The following ASCC3 variants were observed in gnomAD, a reference collection of about 807,000 sequenced individuals.
The protein encoded by ASCC3 is activating signal cointegrator 1 complex subunit 3.
A neutral mutation model predicts 256.3 loss-of-function variants in ASCC3; 158 were observed. That is an observed-to-expected ratio of 0.62 (90% CI 0.54 to 0.70). The LOEUF (loss-of-function observed/expected upper bound fraction) is 0.70. Among genes scored for constraint, ASCC3 ranks in the 30% least tolerant of loss-of-function variants. The pLI, the probability that ASCC3 is intolerant of heterozygous loss-of-function variation, is 0.00. For synonymous variants in ASCC3, 948 were observed against 883.4 expected (o/e 1.07, Z -1.30); for missense variants, 2,259 against 2,626.0 (o/e 0.86, Z 3.05).
At chr6:100,535,495 A>T (rs1208936286) in intron 37 of ASCC3, among the ~76,000 whole-genome samples, 1 of 95,598 alleles carries the variant, frequency 1.0e-5, no homozygotes. Context: ...TTTGAGATGG[A>T]GTCTTGCTCT....
chr6:100,771,501 T>C (rs1235798930), intron 8 of ASCC3, among the ~76,000 whole-genome samples: 1 of 151,532 alleles, frequency 6.6e-6, no homozygotes, highest in Admixed American at 6.6e-5. Flanking sequence ...AGAAAAATCT[T>C]TGCAATACAT....
At chr6:100,604,193 T>G (rs1352109958) in intron 33 of ASCC3, among the ~76,000 whole-genome samples, 1 of 152,110 alleles carries the variant, frequency 6.6e-6, no homozygotes, top group Non-Finnish European at 1.5e-5. Context: ...GATACAAAAT[T>G]TAAATATTAT....
chr6:100,871,817 G>A (rs1773756273), intron 1 of ASCC3, among the ~76,000 whole-genome samples: 2 of 152,102 alleles, frequency 1.3e-5, no homozygotes, highest in South Asian at 4.1e-4. Flanking sequence ...GTCTGTAAGA[G>A]AATACAACTC....
rs139481150 is a variant in ASCC3 at position 100,732,856 on chromosome 6, G to GT, written c.1738-7154dup. Among the ~76,000 whole-genome samples the GT allele has an allele frequency of 0.013, 1,941 of 152,214 alleles. 99 individuals are homozygous for GT. The East Asian group carries it at 0.15, about 12-fold the overall frequency. ...GGTCCACATTACTAATATAGCACCA[G>GT]TAGTGTAGTGTTAGAGCCAAGTGAA... is the stretch of plus-strand genomic sequence containing the variant. On this transcript the variant is annotated intron_variant, in intron 10 of 41. Coordinates refer to ENST00000369162, the MANE Select transcript of ASCC3 (RefSeq NM_006828.4).
intron 3 of ASCC3, among the ~76,000 whole-genome samples, chr6:100,861,081 A>G (rs1773203055): frequency 6.6e-6 from 1 of 152,128 alleles, no homozygotes; most frequent in Admixed American, 6.5e-5. Context: ...AAATGGGGCA[A>G]TGGTAAATAT....
At chr6:100,753,270 A>G (rs949426479) in intron 10 of ASCC3, among the ~76,000 whole-genome samples, 1 of 150,400 alleles carries the variant, frequency 6.6e-6, no homozygotes, top group Admixed American at 6.7e-5. Flanking sequence ...GACCAAGATC[A>G]TTGGCAAGTA....
At chr6:100,655,016 C>T (rs1363529533) in intron 17 of ASCC3, among the ~76,000 whole-genome samples, 2 of 151,778 alleles carry the variant, frequency 1.3e-5, no homozygotes, top group Non-Finnish European at 2.9e-5. Flanking sequence ...AGTTAATATC[C>T]ATATGATCAT....
intron 37 of ASCC3, chr6:100,530,734 A>G: frequency 1.0e-6 from 1 of 959,896 alleles, no homozygotes; most frequent in Non-Finnish European, 1.7e-6. Context: ...GAACCAGGAC[A>G]ATTTAAGGAT....
intron 5 of ASCC3, among the ~76,000 whole-genome samples, chr6:100,805,217 A>G (rs1161679335): frequency 6.6e-6 from 1 of 152,166 alleles, no homozygotes; most frequent in African/African-American, 2.4e-5. Context: ...CTTTGCAACA[A>G]TATGAATGCA....
intron 24 of ASCC3, among the ~76,000 whole-genome samples, chr6:100,639,543 T>G (rs186868584): frequency 1.3e-5 from 2 of 152,210 alleles, no homozygotes; most frequent in African/African-American, 4.8e-5. Context: ...CTCTCAAGAT[T>G]ATTTCATGAA....
At chr6:100,592,140 CAA>C (rs1201793563) in intron 34 of ASCC3, among the ~76,000 whole-genome samples, 2,341 of 115,874 alleles carry the variant, frequency 0.02, 22 homozygotes, top group East Asian at 0.057. Context: ...AGTAAGTCAC[CAA>C]AAAAAAAAAA....
intron 30 of ASCC3, among the ~76,000 whole-genome samples, chr6:100,609,649 A>T (rs1304212418): frequency 6.6e-6 from 1 of 152,144 alleles, no homozygotes; most frequent in African/African-American, 2.4e-5. Context: ...CAAACCTGTA[A>T]TCCCAGCACT....
At chr6:100,823,989 A>G (rs1024761815) in intron 4 of ASCC3, among the ~76,000 whole-genome samples, 9 of 152,200 alleles carry the variant, frequency 5.9e-5, no homozygotes, top group African/African-American at 2.2e-4. Context: ...TTTAAATAAT[A>G]TACCATGGAA....
chr6:100,879,598 G>C (rs1769184201), intron 1 of ASCC3, among the ~76,000 whole-genome samples: 1 of 152,136 alleles, frequency 6.6e-6, no homozygotes, highest in South Asian at 2.1e-4. Flanking sequence ...AGATACACAG[G>C]AGATCAATCA....
intron 10 of ASCC3, among the ~76,000 whole-genome samples, chr6:100,742,124 C>A (rs886738231): frequency 1.5e-4 from 23 of 152,302 alleles, no homozygotes; most frequent in African/African-American, 5.5e-4. Flanking sequence ...TTCTGTAGGA[C>A]TGCTGTGATT....
At chr6:100,628,794 A>C (rs1774384052) in intron 27 of ASCC3, among the ~76,000 whole-genome samples, 1 of 152,086 alleles carries the variant, frequency 6.6e-6, no homozygotes, top group South Asian at 2.1e-4. Context: ...GCACAGATTA[A>C]TACACTAAGA....
At chr6:100,779,812 G>A (rs1782363644) in intron 8 of ASCC3, among the ~76,000 whole-genome samples, 1 of 152,058 alleles carries the variant, frequency 6.6e-6, no homozygotes, top group Non-Finnish European at 1.5e-5. Flanking sequence ...ATGCATTTGA[G>A]TTGTAAATAA....
chr6:100,858,287 G>GTT, intron 3 of ASCC3: 2 of 484,020 alleles, frequency 4.1e-6, no homozygotes, highest in Non-Finnish European at 5.4e-6. Flanking sequence ...AAATGGAAAA[G>GTT]TTTTTTTTTC....
intron 10 of ASCC3, among the ~76,000 whole-genome samples, chr6:100,741,013 T>C (rs1304076090): frequency 6.6e-6 from 1 of 152,226 alleles, no homozygotes; most frequent in African/African-American, 2.4e-5. Context: ...TTGTAGTGAC[T>C]GGTAATAGTT....
Sources: allele counts gnomAD v4.1 joint callset (sites outside exome capture counted in the v4.1 genomes callset), GRCh38; gene constraint gnomAD v4.1.1; transcripts MANE v1.5; gene names NCBI Gene and HGNC (gene_info 2026-07-23, HGNC 2026-07-21).